SOCS4: variants seen among roughly 807,000 people sequenced by gnomAD.
SOCS4 encodes the protein suppressor of cytokine signaling 4.
In SOCS4, 20 loss-of-function variants were observed where a neutral mutation model predicts 34.1. The observed-to-expected ratio is 0.59, with a 90% CI of 0.41 to 0.85. The LOEUF is 0.85. Ranked by LOEUF, SOCS4 falls within the 40% of genes least tolerant of loss-of-function variation. The pLI, the probability that SOCS4 is intolerant of heterozygous loss-of-function variation, is 0.00. For missense variants in SOCS4, 479 were observed against 532.4 expected, an observed-to-expected ratio of 0.90 and a Z score of 0.99; for synonymous variants, 180 against 186.4, an observed-to-expected ratio of 0.97 and a Z score of 0.28.
At chr14:55,034,636 A>G (rs1163344369) in intron 2 of SOCS4, among the ~76,000 whole-genome samples, 1 of 152,036 alleles carries the variant, frequency 6.6e-6, no homozygotes, top group Non-Finnish European at 1.5e-5. Flanking sequence ...GTTCAAGACC[A>G]GCCTGGCCAA....
rs1319031083 is a variant in SOCS4, at chr14:55,044,520, AC to A, written c.*157del. On this transcript the variant is annotated 3_prime_UTR_variant, in exon 3 of 3. Transcript: ENST00000555846. ...CTAATAAATCCATTTTTCTAGTGAT[AC>A]ACAAATTGTTTAAGGTTATACACTC... 2.2e-6 allele frequency: 1 copy of A among 455,870 alleles called. No homozygotes were observed. The highest frequency in any genetic ancestry group is 3.6e-6 in the Non-Finnish European group (1 of 276,438). The allele number at this position is 455,870 out of a possible 1,614,324, so 28.2% of individuals were successfully genotyped here.
intron 2 of SOCS4, among the ~76,000 whole-genome samples, chr14:55,035,016 A>G (rs553970793): frequency 6.6e-6 from 1 of 152,180 alleles, no homozygotes; most frequent in East Asian, 1.9e-4. Context: ...GCACGCCACC[A>G]CACCCGGCTA....
intron 1 of SOCS4, among the ~76,000 whole-genome samples, chr14:55,031,037 T>C (rs1382516820): frequency 6.6e-6 from 1 of 152,194 alleles, no homozygotes; most frequent in Non-Finnish European, 1.5e-5. Context: ...TTTTAAACTT[T>C]TCTGAATGGT....
At chr14:55,038,325 T>G (rs2042590294) in intron 2 of SOCS4, among the ~76,000 whole-genome samples, 1 of 152,194 alleles carries the variant, frequency 6.6e-6, no homozygotes, top group African/African-American at 2.4e-5. Flanking sequence ...CCAGGAGTGT[T>G]CTTTCATAGT....
intron 2 of SOCS4, among the ~76,000 whole-genome samples, chr14:55,039,482 A>G (rs556647330): frequency 3.0e-4 from 46 of 152,310 alleles, no homozygotes; most frequent in African/African-American, 1.1e-3. Context: ...ACGACCAAGA[A>G]AGCATTATAA....
intron 2 of SOCS4, among the ~76,000 whole-genome samples, chr14:55,040,926 CTG>C (rs2042612898): frequency 6.7e-6 from 1 of 148,778 alleles, no homozygotes; most frequent in African/African-American, 2.5e-5. Context: ...GGGTCTCACT[CTG>C]TCACTCAGAC....
chr14:55,032,794 T>C (rs1302246983), intron 2 of SOCS4, among the ~76,000 whole-genome samples: 1 of 150,924 alleles, frequency 6.6e-6, no homozygotes, highest in Non-Finnish European at 1.5e-5. Flanking sequence ...TATACAAAGT[T>C]TTTTTTTTTC....
At chr14:55,032,598 T>G (rs1163884857) in intron 2 of SOCS4, among the ~76,000 whole-genome samples, 1 of 152,084 alleles carries the variant, frequency 6.6e-6, no homozygotes, top group African/African-American at 2.4e-5. Context: ...TCGTAAAAAA[T>G]TAATTATTGA....
chr14:55,042,997 GA>G lies in SOCS4; in HGVS notation c.-40del, dbSNP rs750107035. The stretch of plus-strand genomic sequence containing the variant: ...GAAGAAACTTCCTGCTGGAAAAAAT[GA>G]AAAAGCAGTATTTATAACATTAGAA... On this transcript the variant is annotated 5_prime_UTR_variant, in exon 3 of 3. It removes the in-frame stop codon of an upstream open reading frame in the 5' UTR. Transcript: ENST00000555846. The G allele has an allele frequency of 1.3e-6, 2 of 1,525,380 alleles. No homozygotes were observed. Among genetic ancestry groups the G allele is most frequent in the African/African-American group, 1.4e-5 (1 of 71,550 alleles). The allele number at this position is 1,525,380 out of a possible 1,614,324, so 94.5% of individuals were successfully genotyped here.
chr14:55,037,565 C>T (rs1355247891), intron 2 of SOCS4, among the ~76,000 whole-genome samples: 1 of 151,952 alleles, frequency 6.6e-6, no homozygotes, highest in African/African-American at 2.4e-5. Context: ...GCAATCTCGG[C>T]TCACTGCAAC....
chr14:55,032,130 A>C (rs2042533968), intron 2 of SOCS4, 139 bp downstream of exon 2: 1 of 152,218 alleles, frequency 6.6e-6, no homozygotes, highest in Non-Finnish European at 1.5e-5. Context: ...TTTAGTATTT[A>C]CATTAGTTGT....
rs1179148700 is a variant in SOCS4 at position 55,049,239 on chromosome 14, G to C, written c.*4875G>C. 2 of 167,042 alleles carry C rather than the reference G, an allele frequency of 1.2e-5. No homozygotes were observed. The highest frequency in any genetic ancestry group is 2.4e-5 in the African/African-American group (1 of 41,436). The allele number at this position is 167,042 out of a possible 1,614,324, so 10.3% of individuals were successfully genotyped here. ...GGTTTATTTAAATTATGCTGACTTT[G>C]CTAGAATTGGATAAATTCTGTATAA... On this transcript the variant is annotated 3_prime_UTR_variant, in exon 3 of 3. Transcript: ENST00000555846.
chr14:55,041,516 T>C (rs1458771611), intron 2 of SOCS4, among the ~76,000 whole-genome samples: 5 of 151,952 alleles, frequency 3.3e-5, no homozygotes, highest in African/African-American at 1.2e-4. Context: ...TCTTGCTCTG[T>C]CACCCAGGCT....
intron 2 of SOCS4, among the ~76,000 whole-genome samples, chr14:55,042,168 C>T (rs1012385388): frequency 6.6e-6 from 1 of 152,214 alleles, no homozygotes; most frequent in African/African-American, 2.4e-5. Context: ...TCATGAAACT[C>T]GGTATTTTAC....
At position 55,046,688 on chromosome 14, in the gene SOCS4, TAATA is replaced by T. The variant is rs1394168163; in HGVS notation, c.*2328_*2331del. ...ATATGTAGCCTTGAAGTAGTTGATC[TAATA>T]AATGAGAGCAGGGAGGAGATTCATT... On this transcript the variant is annotated 3_prime_UTR_variant, in exon 3 of 3. Transcript: ENST00000555846. The T allele has an allele frequency of 6.0e-6, 1 of 167,042 alleles. No individual in the cohort carries two copies. Among genetic ancestry groups the T allele is most frequent in the African/African-American group, 2.4e-5 (1 of 41,454 alleles). The allele number at this position is 167,042 out of a possible 1,614,324, so 10.3% of individuals were successfully genotyped here. A position where few individuals can be genotyped will look rare whatever the true frequency, so the allele number is the denominator to read the frequency against.
intron 1 of SOCS4, among the ~76,000 whole-genome samples, chr14:55,029,387 T>C (rs1048155213): frequency 6.6e-6 from 1 of 152,204 alleles, no homozygotes; most frequent in Non-Finnish European, 1.5e-5. Flanking sequence ...ATGAACTGAC[T>C]GAAAATGATG....
chr14:55,033,594 G>A (rs1360303353), intron 2 of SOCS4, among the ~76,000 whole-genome samples: 3 of 152,190 alleles, frequency 2.0e-5, no homozygotes, highest in Non-Finnish European at 2.9e-5. Context: ...ATATCTATCT[G>A]CTAAGTAGCT....
chr14:55,033,768 T>C (rs74364684), intron 2 of SOCS4, among the ~76,000 whole-genome samples: 5,693 of 152,344 alleles, frequency 0.037, 140 homozygotes, highest in South Asian at 0.062. Flanking sequence ...TCTATGGTCA[T>C]GTCTCATTAC....
chr14:55,027,853 C>G (rs2042482598), intron 1 of SOCS4: 1 of 152,186 alleles, frequency 6.6e-6, no homozygotes, highest in Admixed American at 6.5e-5. Context: ...CAGATCCCAC[C>G]TAAAGTTTAC....
Sources: allele counts gnomAD v4.1 joint callset (sites outside exome capture counted in the v4.1 genomes callset), GRCh38; gene constraint gnomAD v4.1.1; transcripts MANE v1.5; gene names NCBI Gene and HGNC (gene_info 2026-07-23, HGNC 2026-07-21).